The following HSPA4L variants were observed in gnomAD, a reference collection of about 807,000 sequenced individuals.
HSPA4L encodes heat shock 70 kDa protein 4L.
HSPA4L carries 48 observed loss-of-function variants against 100.3 expected under a neutral mutation model. That is an observed-to-expected ratio of 0.48 (90% CI 0.38 to 0.61). The LOEUF (loss-of-function observed/expected upper bound fraction) is 0.61, where lower values mean the gene tolerates loss of function less well. HSPA4L is among the 20% of genes least tolerant of loss of function. The pLI is 0.00. For synonymous variants in HSPA4L, 319 were observed against 328.2 expected (o/e 0.97, Z 0.30); for missense variants, 886 against 988.6 (o/e 0.90, Z 1.39).
Position 127,830,774 on chromosome 4 carries a change from T to C in HSPA4L, c.2303T>C (p.Val768Ala). The C allele has an allele frequency of 6.3e-7, 1 of 1,591,692 alleles. No individual in the cohort carries two copies. Among genetic ancestry groups the C allele is most frequent in the Non-Finnish European group, 8.5e-7 (1 of 1,172,076 alleles). ...CTCACTCAAGATCCTGTGGTAAAAG[T>C]TTCAGAAATAGTAGCAAAGTCAAAG... The part of the protein sequence containing the change: ...LSLTQDPVVK[V>A]SEIVAKSKEL... Residue 768 changes from valine to alanine, a missense_variant, in exon 18 of 19, where the codon GTT becomes GCT. By Grantham distance (64) the Val-to-Ala change is moderately conservative (BLOSUM62 0). Transcript: ENST00000296464.
intron 2 of HSPA4L, among the ~76,000 whole-genome samples, chr4:127,794,841 A>G (rs1019361398): frequency 2.0e-5 from 3 of 152,096 alleles, no homozygotes; most frequent in Non-Finnish European, 4.4e-5. Context: ...CAGCATCCCT[A>G]TAGTTTTCAT....
rs773879607 is a variant in HSPA4L at position 127,782,444 on chromosome 4, C to T, written c.-107C>T. ...TGCTTAGCGACTTGGGGTCCCCTCTCGTTTGCTTCTGGTAGGAGTCGCAAT... is the reference window on the plus strand; with the variant it reads ...TGCTTAGCGACTTGGGGTCCCCTCTTGTTTGCTTCTGGTAGGAGTCGCAAT... On this transcript the variant is annotated 5_prime_UTR_variant, in exon 1 of 19. Coordinates refer to ENST00000296464, the MANE Select transcript of HSPA4L (RefSeq NM_014278.4). 6 of 876,644 alleles carry T rather than the reference C, an allele frequency of 6.8e-6. No homozygotes were observed. In the South Asian group the frequency reaches 8.7e-5, roughly 13 times the overall value. 54.3% of individuals were successfully genotyped at this position (876,644 alleles called of 1,614,324 possible).
At chr4:127,827,452 A>G in intron 17 of HSPA4L, 28 bp downstream of exon 17, 1 of 1,612,956 alleles carries the variant, frequency 6.2e-7, no homozygotes, top group Non-Finnish European at 8.5e-7. Flanking sequence ...CCAATTGGTG[A>G]CGATGGCATG....
At chr4:127,786,301 T>G (rs73847064) in intron 1 of HSPA4L, among the ~76,000 whole-genome samples, 2,868 of 152,306 alleles carry the variant, frequency 0.019, 91 homozygotes, top group African/African-American at 0.064. Context: ...CAGTATCCAT[T>G]GTTGTAAGGA....
At chr4:127,791,242 A>G (rs1732866546) in intron 1 of HSPA4L, among the ~76,000 whole-genome samples, 1 of 152,240 alleles carries the variant, frequency 6.6e-6, no homozygotes, top group Admixed American at 6.5e-5. Flanking sequence ...TTTACTTAGT[A>G]TTAAATTTTT....
At chr4:127,801,662 T>G in intron 5 of HSPA4L, 123 bp from the exon 6 acceptor site, 1 of 716,592 alleles carries the variant, frequency 1.4e-6, no homozygotes. Flanking sequence ...AAAAGTTCAT[T>G]TACTTTGAAG....
chr4:127,793,951 C>T (rs1732946544), intron 1 of HSPA4L, 126 bp from the exon 2 acceptor site: 1 of 549,886 alleles, frequency 1.8e-6, no homozygotes, highest in African/African-American at 2.0e-5. Flanking sequence ...ATTTGCATAA[C>T]CTATTTTTAA....
chr4:127,823,476 G>C, intron 15 of HSPA4L, 41 bp from the exon 16 acceptor site: 1 of 1,384,392 alleles, frequency 7.2e-7, no homozygotes, highest in Non-Finnish European at 1.0e-6. Flanking sequence ...TTATTTCTAA[G>C]GAAAGTATTT....
chr4:127,826,983 T>C (rs1733965131), intron 16 of HSPA4L, among the ~76,000 whole-genome samples: 1 of 152,166 alleles, frequency 6.6e-6, no homozygotes, highest in Non-Finnish European at 1.5e-5. Context: ...TGCAGTATAG[T>C]TTTTACAGTT....
intron 1 of HSPA4L, among the ~76,000 whole-genome samples, chr4:127,789,563 G>A (rs1732814139): frequency 6.6e-6 from 1 of 152,054 alleles, no homozygotes; most frequent in South Asian, 2.1e-4. Context: ...CAGGAGAATG[G>A]CGTGAACCCG....
Position 127,834,824 on chromosome 4 carries a change from A to ACAT in HSPA4L, c.*1952_*1954dup, listed in dbSNP as rs989559396. The ACAT allele has an allele frequency of 6.6e-6, 1 of 152,180 alleles. No homozygotes were observed. The highest frequency in any genetic ancestry group is 2.4e-5 in the African/African-American group (1 of 41,450). 9.4% of individuals were successfully genotyped at this position (152,180 alleles called of 1,614,324 possible). A position where few individuals can be genotyped will look rare whatever the true frequency, so the allele number is the denominator to read the frequency against. ...ATATGGGAACAACTTTTCTATTAAT[A>ACAT]CATCTAAATTTTCTAGTATATCCTG... On this transcript the variant is annotated 3_prime_UTR_variant, in exon 19 of 19. Transcript: ENST00000296464.
At chr4:127,813,550 A>T (rs1733597551) in intron 12 of HSPA4L, 2 of 194,906 alleles carry the variant, frequency 1.0e-5, no homozygotes, top group East Asian at 2.7e-4. Context: ...AATAACTAAG[A>T]TATGTAAATT....
chr4:127,792,483 A>G (rs975678399), intron 1 of HSPA4L, among the ~76,000 whole-genome samples: 2 of 152,210 alleles, frequency 1.3e-5, no homozygotes, highest in African/African-American at 4.8e-5. Flanking sequence ...GTTCTTGTAT[A>G]TTCAGTTCTC....
intron 1 of HSPA4L, among the ~76,000 whole-genome samples, chr4:127,783,054 C>T (rs1040626848): frequency 1.3e-5 from 2 of 152,248 alleles, no homozygotes; most frequent in African/African-American, 4.8e-5. Flanking sequence ...GGATTATCGG[C>T]CCCGCGCCAG....
chr4:127,810,495 T>C (rs1578707929), intron 11 of HSPA4L, among the ~76,000 whole-genome samples: 1 of 152,276 alleles, frequency 6.6e-6, no homozygotes, highest in African/African-American at 2.4e-5. Flanking sequence ...TGGTGGCTCA[T>C]GCCTGTAATC....
chr4:127,796,022 C>T (rs537978257), intron 3 of HSPA4L, 114 bp downstream of exon 3: 18 of 827,394 alleles, frequency 2.2e-5, no homozygotes, highest in African/African-American at 3.4e-5. Flanking sequence ...ACATACACAC[C>T]GAAGAGATAG....
chr4:127,804,620 C>G (rs1338518141), intron 8 of HSPA4L, among the ~76,000 whole-genome samples: 1 of 150,950 alleles, frequency 6.6e-6, no homozygotes, highest in Non-Finnish European at 1.5e-5. Context: ...CACACACACA[C>G]ACACACACAC....
chr4:127,783,087 C>A (rs1022341644), intron 1 of HSPA4L, among the ~76,000 whole-genome samples: 2 of 152,176 alleles, frequency 1.3e-5, no homozygotes, highest in Non-Finnish European at 2.9e-5. Flanking sequence ...CTTTCCCCGT[C>A]CCTCTGGGTG....
In HSPA4L at chr4:127,833,493, T is replaced by C. The variant is rs942208260; in HGVS notation, c.*619T>C. On this transcript the variant is annotated 3_prime_UTR_variant, in exon 19 of 19. Coordinates refer to ENST00000296464, the MANE Select transcript of HSPA4L (RefSeq NM_014278.4). ...TTTTATGTTAAGGTGAAACCAGCAG[T>C]TTGCTTCTTTTATTAGTAATGTGGA... 7 of 152,166 alleles carry C rather than the reference T, an allele frequency of 4.6e-5. No homozygotes were observed. The highest frequency in any genetic ancestry group is 1.7e-4 in the African/African-American group (7 of 41,440). The allele number at this position is 152,166 out of a possible 1,614,324, so 9.4% of individuals were successfully genotyped here.
Sources: gnomAD v4.1 joint callset for allele counts (sites outside exome capture counted in the v4.1 genomes callset) on GRCh38, gnomAD v4.1.1 for gene constraint, MANE v1.5 for transcripts, NCBI Gene and HGNC (gene_info 2026-07-23, HGNC 2026-07-21) for gene names.